The following PRH1 variants were observed in gnomAD, a reference collection of about 807,000 sequenced individuals.
The protein encoded by PRH1 is salivary acidic proline-rich phosphoprotein 1/2.
PRH1 carries 7 observed loss-of-function variants against 7.9 expected under a neutral mutation model. That is an observed-to-expected ratio of 0.89 (90% CI 0.50 to 1.67). PRH1 has a LOEUF of 1.67. Among genes scored for constraint, PRH1 ranks in the 40% most tolerant of loss-of-function variants. The pLI is 0.00. For synonymous variants in PRH1, 45 were observed against 80.8 expected (o/e 0.56, Z 2.38); for missense variants, 109 against 223.6 (o/e 0.49, Z 3.27).
At chr12:11,102,711 G>A (rs952153942) in intron 1 of PRH1, among the ~76,000 whole-genome samples, 27 of 152,160 alleles carry the variant, frequency 1.8e-4, no homozygotes, top group Non-Finnish European at 3.7e-4. Flanking sequence ...TTAAAATAAA[G>A]AGCTTCTGCA....
chr12:10,954,045 T>C (rs1937826503), intron 2 of PRH1, among the ~76,000 whole-genome samples: 1 of 152,164 alleles, frequency 6.6e-6, no homozygotes, highest in East Asian at 1.9e-4. Flanking sequence ...TAGGATCTTT[T>C]TCAGACAAAC....
chr12:10,943,011 C>T (rs1950427816), intron 2 of PRH1, among the ~76,000 whole-genome samples: 1 of 152,192 alleles, frequency 6.6e-6, no homozygotes, highest in Non-Finnish European at 1.5e-5. Context: ...CAGAGGATCT[C>T]CCTTTCCCAC....
intron 2 of PRH1, among the ~76,000 whole-genome samples, chr12:10,896,272 T>C (rs1565456184): frequency 1.3e-5 from 2 of 152,178 alleles, no homozygotes; most frequent in Non-Finnish European, 2.9e-5. Flanking sequence ...GTATGATGTA[T>C]CCCTTTGATT....
intron 2 of PRH1, among the ~76,000 whole-genome samples, chr12:10,894,203 C>T (rs572486805): frequency 1.3e-5 from 2 of 152,160 alleles, no homozygotes; most frequent in African/African-American, 4.8e-5. Context: ...TTTTTTAATA[C>T]GTGTCCTTGC....
intron 2 of PRH1, among the ~76,000 whole-genome samples, chr12:10,906,168 G>T (rs929687652): frequency 6.6e-6 from 1 of 152,146 alleles, no homozygotes; most frequent in African/African-American, 2.4e-5. Context: ...ATTGAAACAG[G>T]TTACTAAAAA....
chr12:11,012,170 T>C (rs7305319), intron 1 of PRH1, among the ~76,000 whole-genome samples: 46,346 of 152,142 alleles, frequency 0.3, 8,924 homozygotes, highest in East Asian at 0.74. Flanking sequence ...ACTTTTATTT[T>C]TCTCTAATGT....
chr12:11,023,307 G>A lies in PRH1; in HGVS notation c.-126+23713C>T, dbSNP rs1941751578. Among the ~76,000 whole-genome samples, 3 of 152,116 alleles carry A rather than the reference G, an allele frequency of 2.0e-5. No individual in the cohort carries two copies. In the South Asian group the frequency reaches 6.2e-4, roughly 31 times the overall value. On this transcript the variant is annotated intron_variant, in intron 1 of 3. Coordinates refer to the PRH1 transcript ENST00000539853. ...TTATAATTCCCCAAATGGAAAATGAGTTTCCAGGAACTCATCCAGGTGGTA... is the reference window on the plus strand; with the variant it reads ...TTATAATTCCCCAAATGGAAAATGAATTTCCAGGAACTCATCCAGGTGGTA...
intron 2 of PRH1, chr12:10,908,359 C>G: frequency 6.3e-7 from 1 of 1,587,210 alleles, no homozygotes; most frequent in Non-Finnish European, 8.6e-7. Flanking sequence ...AATCTGTGGT[C>G]TGAATGGCTT....
rs1255103688 is a variant in PRH1 at position 10,973,596 on chromosome 12, G to T, written c.-59+59C>A. On this transcript the variant is annotated intron_variant, in intron 2 of 3. Coordinates refer to the PRH1 transcript ENST00000539853. ...CAATTTCACCTGTCTGATACAGGCAGAAACCAAGTGTTGCTAGGTTTTCAT... is the reference window on the plus strand; with the variant it reads ...CAATTTCACCTGTCTGATACAGGCATAAACCAAGTGTTGCTAGGTTTTCAT... The T allele has an allele frequency of 1.2e-5, 9 of 753,182 alleles. No homozygotes were observed. In the East Asian group the frequency reaches 2.2e-4, roughly 19 times the overall value. 46.7% of individuals were successfully genotyped at this position (753,182 alleles called of 1,614,324 possible). A position where few individuals can be genotyped will look rare whatever the true frequency, so the allele number is the denominator to read the frequency against.
intron 1 of PRH1, among the ~76,000 whole-genome samples, chr12:10,985,754 A>T (rs1040018190): frequency 2.0e-5 from 3 of 152,164 alleles, no homozygotes; most frequent in African/African-American, 7.2e-5. Context: ...TCATATACAG[A>T]TGCACACACA....
chr12:11,137,299 C>T (rs1423284218), intron 1 of PRH1, among the ~76,000 whole-genome samples: 1 of 152,180 alleles, frequency 6.6e-6, no homozygotes, highest in African/African-American at 2.4e-5. Context: ...ACAGTACTTA[C>T]AAGTTTATCA....
chr12:11,115,254 T>C (rs923796152), intron 1 of PRH1, among the ~76,000 whole-genome samples: 1 of 152,106 alleles, frequency 6.6e-6, no homozygotes, highest in Non-Finnish European at 1.5e-5. Context: ...GGAGTACCTA[T>C]ACAAGTATTA....
intron 1 of PRH1, among the ~76,000 whole-genome samples, chr12:11,148,096 A>G (rs1257807865): frequency 6.9e-6 from 1 of 144,012 alleles, no homozygotes; most frequent in African/African-American, 2.5e-5. Context: ...TTTGTCTGTT[A>G]TTGGTGTATA....
At chr12:11,045,150 G>A (rs1942857815) in intron 1 of PRH1, among the ~76,000 whole-genome samples, 1 of 152,096 alleles carries the variant, frequency 6.6e-6, no homozygotes, top group Admixed American at 6.6e-5. Context: ...CCTGTCATTT[G>A]CAGCAATATA....
chr12:11,002,804 T>C (rs894960316), intron 1 of PRH1, among the ~76,000 whole-genome samples: 1 of 152,062 alleles, frequency 6.6e-6, no homozygotes, highest in Non-Finnish European at 1.5e-5. Context: ...AAATTTATAG[T>C]AACAAAATAT....
intron 1 of PRH1, among the ~76,000 whole-genome samples, chr12:11,107,675 T>C (rs1034496767): frequency 6.6e-6 from 1 of 152,224 alleles, no homozygotes; most frequent in Non-Finnish European, 1.5e-5. Context: ...CAGGATTCTA[T>C]GGTACTCGCA....
intron 1 of PRH1, among the ~76,000 whole-genome samples, chr12:10,978,863 C>T (rs6488333): frequency 0.75 from 113,450 of 152,026 alleles, 44,713 homozygotes; most frequent in East Asian, 0.96. Context: ...AAAACCACAA[C>T]GAGATAACCT....
chr12:11,075,158 A>G (rs1405238364), intron 1 of PRH1, among the ~76,000 whole-genome samples: 16 of 129,724 alleles, frequency 1.2e-4, no homozygotes, highest in Non-Finnish European at 2.5e-4. Context: ...CCATGCATTT[A>G]TAATATGGCA....
rs1453837301 is a variant in PRH1 at position 11,089,190 on chromosome 12, C to T, written n.124-42002G>A. On this transcript the variant is annotated intron_variant and non_coding_transcript_variant, in intron 1 of 4. Transcript: ENST00000541977. Reference sequence around the variant, plus strand: ...CCTTGCCCGATCCAGGTCATCATTCCATTTGGGACTTGAATGCATCACCAC... The same window carrying T: ...CCTTGCCCGATCCAGGTCATCATTCTATTTGGGACTTGAATGCATCACCAC... Among the ~76,000 whole-genome samples, 4 of 115,552 alleles carry T rather than the reference C, an allele frequency of 3.5e-5. 2 individuals are homozygous for T. Among genetic ancestry groups the T allele is most frequent in the Non-Finnish European group, 8.2e-5 (4 of 48,840 alleles). 75.8% of individuals were successfully genotyped at this position (115,552 alleles called of 152,430 possible).
Sources: gnomAD v4.1 joint callset for allele counts (sites outside exome capture counted in the v4.1 genomes callset) on GRCh38, gnomAD v4.1.1 for gene constraint, MANE v1.5 for transcripts, NCBI Gene and HGNC (gene_info 2026-07-23, HGNC 2026-07-21) for gene names.